The following YLPM1 variants were observed in gnomAD, a reference collection of about 807,000 sequenced individuals.
The protein encoded by YLPM1 is YLP motif containing 1.
Under a neutral mutation model 230.0 loss-of-function variants are expected in YLPM1, and 99 were observed. The observed-to-expected ratio is 0.43, with a 90% CI of 0.37 to 0.51. The LOEUF (loss-of-function observed/expected upper bound fraction) is 0.51, where lower values mean the gene tolerates loss of function less well. Among genes scored for constraint, YLPM1 ranks in the 20% least tolerant of loss-of-function variants. The pLI is 0.00. For missense variants in YLPM1, 2,592 were observed against 2,707.7 expected (o/e 0.96, Z 0.95); for synonymous variants, 984 against 942.5 (o/e 1.04, Z -0.81).
chr14:74,818,736 A>G (rs1329538518), intron 16 of YLPM1, among the ~76,000 whole-genome samples: 2 of 152,236 alleles, frequency 1.3e-5, no homozygotes, highest in East Asian at 3.8e-4. Flanking sequence ...CATATAGTTT[A>G]TATTCACATT....
At position 74,766,998 on chromosome 14, in the gene YLPM1, C is replaced by T. The variant is rs1220415694; in HGVS notation, c.873+2636C>T. Among the ~76,000 whole-genome samples the T allele has an allele frequency of 2.0e-5, 3 of 151,438 alleles. No individual in the cohort carries two copies. The South Asian group carries it at 6.3e-4, about 32-fold the overall frequency. ...TCCCGGGTTCAAGCGATTCTCCTGCCTCAGCCTCCTGAGTAGCTGGGATTA... is the reference window on the plus strand; with the variant it reads ...TCCCGGGTTCAAGCGATTCTCCTGCTTCAGCCTCCTGAGTAGCTGGGATTA... On this transcript the variant is annotated intron_variant, in intron 1 of 20. Coordinates refer to ENST00000325680, the MANE Select transcript of YLPM1 (RefSeq NM_019589.3).
chr14:74,782,346 C>CT (rs761170825), intron 4 of YLPM1, 21 bp downstream of exon 4: 279 of 1,469,566 alleles, frequency 1.9e-4, no homozygotes, highest in South Asian at 7.4e-4. Context: ...TTTTTTTTCT[C>CT]TTTTTTTTTG....
intron 15 of YLPM1, among the ~76,000 whole-genome samples, chr14:74,817,876 G>A (rs555118842): frequency 1.3e-4 from 19 of 151,772 alleles, no homozygotes; most frequent in East Asian, 9.7e-4. Context: ...GCAACATGGC[G>A]AAACCCTGTC....
intron 1 of YLPM1, among the ~76,000 whole-genome samples, chr14:74,772,416 C>T (rs979409223): frequency 7.3e-5 from 11 of 149,874 alleles, no homozygotes; most frequent in East Asian, 2.0e-4. Flanking sequence ...AGTGCAGTGG[C>T]GCGAGGATCT....
chr14:74,795,551 G>A (rs1157901203), intron 4 of YLPM1, among the ~76,000 whole-genome samples: 1 of 152,092 alleles, frequency 6.6e-6, no homozygotes, highest in African/African-American at 2.4e-5. Flanking sequence ...ATTTCTACTG[G>A]TGACAAAATC....
chr14:74,835,916 A>G lies in YLPM1; in HGVS notation c.*178A>G. ...CTCCAGTGTCCCCAAGAGGTATTAG[A>G]ATCTTGCTGTACCCAAGCAAGACGT... On this transcript the variant is annotated 3_prime_UTR_variant, in exon 21 of 21. Transcript: ENST00000325680. The G allele has an allele frequency of 4.4e-6, 2 of 455,468 alleles. No individual in the cohort carries two copies. Among genetic ancestry groups the G allele is most frequent in the Non-Finnish European group, 8.8e-6 (2 of 226,490 alleles). The allele number at this position is 455,468 out of a possible 1,614,324, so 28.2% of individuals were successfully genotyped here.
At chr14:74,782,364 T>A in intron 4 of YLPM1, 39 bp downstream of exon 4, 1 of 1,491,958 alleles carries the variant, frequency 6.7e-7, no homozygotes, top group Non-Finnish European at 8.8e-7. Context: ...TTGGTTTGGC[T>A]ATTTTATTGA....
chr14:74,825,248 T>G (rs1368458541), intron 18 of YLPM1, among the ~76,000 whole-genome samples: 6 of 152,162 alleles, frequency 3.9e-5, no homozygotes, highest in Non-Finnish European at 8.8e-5. Context: ...GAGGAGTGCA[T>G]TTTACATGCA....
At chr14:74,825,614 C>T (rs546140170) in intron 18 of YLPM1, among the ~76,000 whole-genome samples, 8 of 152,164 alleles carry the variant, frequency 5.3e-5, no homozygotes, top group South Asian at 2.1e-4. Context: ...CTTATTTCGA[C>T]GTTAGATTAA....
intron 1 of YLPM1, among the ~76,000 whole-genome samples, chr14:74,775,314 A>T (rs1339142077): frequency 6.6e-6 from 1 of 152,224 alleles, no homozygotes; most frequent in Non-Finnish European, 1.5e-5. Flanking sequence ...AGGGGAAGGC[A>T]GCTGTCCCCT....
In YLPM1 at chr14:74,795,694, C is replaced by G. The variant is rs540743163; in HGVS notation, c.2283-1886C>G. 4.6e-5 allele frequency among the ~76,000 whole-genome samples: 7 copies of G among 152,328 alleles called. No homozygotes were observed. The East Asian group carries it at 1.2e-3, about 25-fold the overall frequency. On this transcript the variant is annotated intron_variant, in intron 4 of 20. Transcript: ENST00000325680. ...AAGATGATCTTTAAACTTTTTGTCT[C>G]TGTCCACTATTTTTCTGCTAAAGCA...
In YLPM1 at chr14:74,810,320, A is replaced by C. The variant is rs756006905; in HGVS notation, c.5128A>C (p.Lys1710Gln). 1.6e-4 allele frequency: 256 copies of C among 1,613,764 alleles called. No individual in the cohort carries two copies. The highest frequency in any genetic ancestry group is 2.0e-4 in the Non-Finnish European group (234 of 1,179,876). The part of the protein sequence containing the change: ...SNVIADHRDF[K>Q]RDRETHRDRD... ...TGTCATAGCAGATCATCGAGATTTTAAAAGGGATCGTGAGACACATAGAGA... is the reference window on the plus strand; with the variant it reads ...TGTCATAGCAGATCATCGAGATTTTCAAAGGGATCGTGAGACACATAGAGA... The change falls in exon 9 of 21, where the codon AAA (lysine) becomes CAA (glutamine). Residue 1710 changes from lysine (K) to glutamine (Q), a missense_variant. This residue lies in a region of YLPM1 where 403 missense variants were observed against 426.7 expected (regional missense o/e 0.94). Transcript: ENST00000325680.
chr14:74,804,328 A>G (rs999246904), intron 6 of YLPM1, among the ~76,000 whole-genome samples: 10 of 152,166 alleles, frequency 6.6e-5, no homozygotes, highest in South Asian at 2.1e-4. Flanking sequence ...TAAAACTTCA[A>G]TGTTCTCCCA....
Position 74,798,614 on chromosome 14 carries a change from C to A in YLPM1, c.3317C>A (p.Ala1106Asp), listed in dbSNP as rs1437300687. ...CAAGGGAGCCAGGACAGGGGTGCAG[C>A]TGGCAGCCGAGAAAGGGGACCACCT... ...GLQGSQDRGA[A>D]GSRERGPPRR... is the part of the protein sequence containing the mutation. The change falls in exon 5 of 21, where the codon GCT becomes GAT. Residue 1106 changes from alanine (A) to aspartate (D), a missense_variant. Ala to Asp is a moderately radical substitution (Grantham distance 126, BLOSUM62 -2). Around this residue, in one of 4 missense-constraint regions of YLPM1, gnomAD observed 1,862 missense variants for 1,819.8 expected, o/e 1.02. Transcript: ENST00000325680. 6.2e-7 allele frequency: 1 copy of A among 1,611,962 alleles called. No homozygotes were observed. Among genetic ancestry groups the A allele is most frequent in the South Asian group, 1.1e-5 (1 of 90,840 alleles).
rs183353537 is a variant in YLPM1, at chr14:74,818,583, A to G, written c.6030+269A>G. Among the ~76,000 whole-genome samples the G allele has an allele frequency of 2.0e-4, 31 of 152,294 alleles. No homozygotes were observed. In the East Asian group the frequency reaches 5.8e-3, roughly 28 times the overall value. On this transcript the variant is annotated intron_variant, in intron 16 of 20. Transcript: ENST00000325680. ...GCAGATCTTATAAACCTTCACCCTTAAATACATCAGTAGGTATCTTGTAAG... is the reference window on the plus strand; with the variant it reads ...GCAGATCTTATAAACCTTCACCCTTGAATACATCAGTAGGTATCTTGTAAG...
Position 74,798,261 on chromosome 14 carries a change from T to C in YLPM1, c.2964T>C (p.Gly988=), listed in dbSNP as rs1210410119. The C allele has an allele frequency of 1.9e-6, 3 of 1,613,874 alleles. No homozygotes were observed. In the East Asian group the frequency reaches 6.7e-5, roughly 36 times the overall value. Residue 988 remains glycine, a synonymous_variant, in exon 5 of 21, where the codon GGT becomes GGC. Transcript: ENST00000325680. The part of the protein sequence containing the change: ...ADNDFKPVGI[G]LPHSENNQDK... ...ATGATTTTAAACCTGTGGGTATTGGTCTACCCCATTCAGAAAACAACCAAG... is the reference window on the plus strand; with the variant it reads ...ATGATTTTAAACCTGTGGGTATTGGCCTACCCCATTCAGAAAACAACCAAG...
At chr14:74,766,503 GA>G (rs2090912490) in intron 1 of YLPM1, among the ~76,000 whole-genome samples, 1 of 152,110 alleles carries the variant, frequency 6.6e-6, no homozygotes, top group South Asian at 2.1e-4. Flanking sequence ...TATATATTGA[GA>G]CAGGGTCTTG....
At chr14:74,773,743 C>CAG (rs1489547630) in intron 1 of YLPM1, among the ~76,000 whole-genome samples, 1 of 78,964 alleles carries the variant, frequency 1.3e-5, no homozygotes, top group South Asian at 5.0e-4. Context: ...TTTTTTGAGA[C>CAG]AGAGTCTTTC....
chr14:74,827,380 G>A lies in YLPM1; in HGVS notation c.6164-1833G>A, dbSNP rs957336087. On this transcript the variant is annotated intron_variant, in intron 18 of 20. Coordinates refer to ENST00000325680, the MANE Select transcript of YLPM1 (RefSeq NM_019589.3). Reference sequence around the variant, plus strand: ...GTGTGTTTGGTTTCCAGTATGCCATGTGGAAGAGGTGTGAGCCTTTCTTCA... The same window carrying A: ...GTGTGTTTGGTTTCCAGTATGCCATATGGAAGAGGTGTGAGCCTTTCTTCA... 20 of 985,296 alleles carry A rather than the reference G, an allele frequency of 2.0e-5. No individual in the cohort carries two copies. In the African/African-American group the frequency reaches 3.0e-4, roughly 15 times the overall value. 61.0% of individuals were successfully genotyped at this position (985,296 alleles called of 1,614,324 possible). A position where few individuals can be genotyped will look rare whatever the true frequency, so the allele number is the denominator to read the frequency against.
Sources: gnomAD v4.1 joint callset for allele counts (sites outside exome capture counted in the v4.1 genomes callset) on GRCh38, gnomAD v4.1.1 for gene constraint, gnomAD v4.1.1 regional missense constraint, MANE v1.5 for transcripts, NCBI Gene and HGNC (gene_info 2026-07-23, HGNC 2026-07-21) for gene names.